ASAH2B: variants seen among roughly 807,000 people sequenced by gnomAD.
ASAH2B encodes the protein N-acylsphingosine amidohydrolase 2B, also known as putative inactive neutral ceramidase B.
Under a neutral mutation model 2.9 loss-of-function variants are expected in ASAH2B, and 1 was observed. The observed-to-expected ratio is 0.34, with a 90% confidence interval of 0.12 to 1.63. ASAH2B has a LOEUF of 1.63. Among genes scored for constraint, ASAH2B ranks in the 40% most tolerant of loss-of-function variants. The probability of loss-of-function intolerance (pLI) is 0.36; values close to 1 mark genes in which losing one functional copy is unlikely to be tolerated. For missense variants in ASAH2B, 9 were observed against 37.7 expected, an observed-to-expected ratio of 0.24 and a Z score of 1.99; for synonymous variants, 4 against 13.3, an observed-to-expected ratio of 0.30 and a Z score of 1.52.
At chr10:50,753,332 GA>G (rs1839999014) in intron 5 of ASAH2B, among the ~76,000 whole-genome samples, 1 of 89,554 alleles carries the variant, frequency 1.1e-5, no homozygotes, top group Non-Finnish European at 2.5e-5. Flanking sequence ...TTGAAAATAG[GA>G]ATTTGACCAT....
intron 1 of ASAH2B, among the ~76,000 whole-genome samples, chr10:50,741,860 A>C (rs1469851589): frequency 6.6e-6 from 1 of 152,144 alleles, no homozygotes; most frequent in Admixed American, 6.5e-5. Context: ...TAGAAAGGTC[A>C]ATAGATGGCA....
chr10:50,748,704 G>C (rs1193893254), intron 3 of ASAH2B, among the ~76,000 whole-genome samples: 1 of 150,030 alleles, frequency 6.7e-6, no homozygotes, highest in Non-Finnish European at 1.5e-5. Context: ...TGGACACCCA[G>C]CTCCATATCC....
At chr10:50,742,827 A>C in intron 1 of ASAH2B, 88 bp from the exon 2 acceptor site, 1 of 1,287,450 alleles carries the variant, frequency 7.8e-7, no homozygotes, top group South Asian at 1.2e-5. Flanking sequence ...GTGAGATGTC[A>C]AGCATCACAC....
rs1185051857 is a variant in ASAH2B, at chr10:50,755,807, G to C, written c.*1067G>C. 1 of 151,454 alleles carries C rather than the reference G, an allele frequency of 6.6e-6. No homozygotes were observed. The highest frequency in any genetic ancestry group is 1.5e-5 in the Non-Finnish European group (1 of 67,726). 9.4% of individuals were successfully genotyped at this position (151,454 alleles called of 1,614,324 possible). ...TGGGGTGAATGTGTAAGTGTCAAAAGGTAACTATTATGAAGGAGAAAATAA... is the reference window on the plus strand; with the variant it reads ...TGGGGTGAATGTGTAAGTGTCAAAACGTAACTATTATGAAGGAGAAAATAA... On this transcript the variant is annotated 3_prime_UTR_variant, in exon 6 of 6. Coordinates refer to ENST00000647317, the MANE Select transcript of ASAH2B (RefSeq NM_001321958.2).
At chr10:50,741,476 TAAAGAG>T (rs1357771780) in intron 1 of ASAH2B, among the ~76,000 whole-genome samples, 1 of 152,106 alleles carries the variant, frequency 6.6e-6, no homozygotes, top group African/African-American at 2.4e-5. Flanking sequence ...GTTATAAAAA[TAAAGAG>T]AAAGAGCACC....
At chr10:50,743,230 C>G (rs61857130) in intron 2 of ASAH2B, among the ~76,000 whole-genome samples, 2,808 of 151,896 alleles carry the variant, frequency 0.018, 41 homozygotes, top group Middle Eastern at 0.075. Context: ...TCCTTTCATG[C>G]TGGCAGCTTC....
Position 50,756,022 on chromosome 10 carries a change from T to C in ASAH2B, c.*1282T>C, listed in dbSNP as rs1837080351. The C allele has an allele frequency of 1.2e-5, 1 of 81,782 alleles. No individual in the cohort carries two copies. The highest frequency in any genetic ancestry group is 2.6e-5 in the African/African-American group (1 of 37,998). 5.1% of individuals were successfully genotyped at this position (81,782 alleles called of 1,614,324 possible). Reference sequence around the variant, plus strand: ...TTGCTTCATACCCCAAAGAATAAGATATGACAATCTGACATCGATTGTCTG... The same window carrying C: ...TTGCTTCATACCCCAAAGAATAAGACATGACAATCTGACATCGATTGTCTG... On this transcript the variant is annotated 3_prime_UTR_variant, in exon 6 of 6. Transcript: ENST00000647317.
chr10:50,742,966 G>A lies in ASAH2B; in HGVS notation c.-48G>A. Reference sequence around the variant, plus strand: ...AATTTATGGACCGCACGCATTATCTGCTTACATTCAGCTCTTCAGAAACCT... The same window carrying A: ...AATTTATGGACCGCACGCATTATCTACTTACATTCAGCTCTTCAGAAACCT... On this transcript the variant is annotated 5_prime_UTR_variant, in exon 2 of 6. Transcript: ENST00000647317. 2 of 1,614,036 alleles carry A rather than the reference G, an allele frequency of 1.2e-6. No homozygotes were observed. The highest frequency in any genetic ancestry group is 1.7e-6 in the Non-Finnish European group (2 of 1,179,968).
chr10:50,749,576 G>A, intron 4 of ASAH2B, among the ~76,000 whole-genome samples, 174 bp downstream of exon 4: 1 of 127,462 alleles, frequency 7.8e-6, no homozygotes, highest in African/African-American at 3.1e-5. Flanking sequence ...ATTGAGTCTG[G>A]GTAAAAGCAC....
chr10:50,748,502 T>C (rs1588931890), intron 3 of ASAH2B, among the ~76,000 whole-genome samples: 1 of 149,578 alleles, frequency 6.7e-6, no homozygotes, highest in Non-Finnish European at 1.5e-5. Flanking sequence ...AACAGAATCT[T>C]GTCACAACTC....
chr10:50,748,235 CT>C (rs923774162), intron 3 of ASAH2B, among the ~76,000 whole-genome samples: 4 of 91,318 alleles, frequency 4.4e-5, no homozygotes, highest in African/African-American at 8.9e-5. Flanking sequence ...CCCTGTAATC[CT>C]TTTAATTTCT....
Position 50,758,848 on chromosome 10 carries a change from A to AC in ASAH2B, c.*4111dup, listed in dbSNP as rs1228119797. 6.6e-6 allele frequency: 1 copy of AC among 151,998 alleles called. No individual in the cohort carries two copies. Among genetic ancestry groups the AC allele is most frequent in the Non-Finnish European group, 1.5e-5 (1 of 67,906 alleles). The allele number at this position is 151,998 out of a possible 1,614,324, so 9.4% of individuals were successfully genotyped here. On this transcript the variant is annotated 3_prime_UTR_variant, in exon 6 of 6. Coordinates refer to ENST00000647317, the MANE Select transcript of ASAH2B (RefSeq NM_001321958.2). ...GAACAGGTAATTACTGTACAGAGTGACCCATATTGTTATTGTTCAGGGAAT... is the reference window on the plus strand; with the variant it reads ...GAACAGGTAATTACTGTACAGAGTGACCCCATATTGTTATTGTTCAGGGAAT...
At position 50,739,984 on chromosome 10, in the gene ASAH2B, G is replaced by A; in HGVS notation, c.-100+1G>A. The A allele has an allele frequency of 6.1e-6, 1 of 164,240 alleles. No homozygotes were observed. 10.2% of individuals were successfully genotyped at this position (164,240 alleles called of 1,614,324 possible). On this transcript the variant is annotated splice_donor_variant, in intron 1 of 5. Coordinates refer to ENST00000647317, the MANE Select transcript of ASAH2B (RefSeq NM_001321958.2). LOFTEE classifies it low-confidence loss of function (5UTR_SPLICE). The stretch of plus-strand genomic sequence containing the variant: ...CCTGAGGAGTCGCAATTGTGAACAG[G>A]TTCGGTGCTGCGGCTGGGGTAGGCG...
chr10:50,757,839 C>G lies in ASAH2B; in HGVS notation c.*3099C>G, dbSNP rs944191520. The G allele has an allele frequency of 1.1e-4, 16 of 151,610 alleles. No homozygotes were observed. The highest frequency in any genetic ancestry group is 1.8e-4 in the Non-Finnish European group (12 of 67,768). The allele number at this position is 151,610 out of a possible 1,614,324, so 9.4% of individuals were successfully genotyped here. ...TTCCTGATCAACATGCATCCAAACA[C>G]TAAAGACATTTATAACCTCACATAG... is the stretch of plus-strand genomic sequence containing the variant. On this transcript the variant is annotated 3_prime_UTR_variant, in exon 6 of 6. Transcript: ENST00000647317.
At chr10:50,743,250 T>G (rs1839860119) in intron 2 of ASAH2B, among the ~76,000 whole-genome samples, 1 of 152,036 alleles carries the variant, frequency 6.6e-6, no homozygotes, top group South Asian at 2.1e-4. Context: ...CTTTCATATG[T>G]ATTTTCTCAC....
At chr10:50,743,869 G>A (rs921563067) in intron 2 of ASAH2B, 3 of 151,424 alleles carry the variant, frequency 2.0e-5, no homozygotes, top group African/African-American at 7.3e-5. Context: ...TTTAATGAAA[G>A]AGCTTGGATA....
chr10:50,744,187 G>C (rs1298259578), intron 2 of ASAH2B, among the ~76,000 whole-genome samples: 4 of 151,464 alleles, frequency 2.6e-5, no homozygotes, highest in African/African-American at 9.8e-5. Flanking sequence ...TCCATCCCTA[G>C]AGATAACTAC....
chr10:50,759,031 AC>A lies in ASAH2B; in HGVS notation c.*4292del, dbSNP rs1437407507. ...TATTAGTTTGTGTTTGTGTTTGTGT[AC>A]TGGGCAAATAGACTATTCCATGTAG... On this transcript the variant is annotated 3_prime_UTR_variant, in exon 6 of 6. Coordinates refer to ENST00000647317, the MANE Select transcript of ASAH2B (RefSeq NM_001321958.2). The A allele has an allele frequency of 2.0e-5, 3 of 150,666 alleles. No individual in the cohort carries two copies. The Admixed American group carries it at 2.0e-4, about 10-fold the overall frequency. The allele number at this position is 150,666 out of a possible 1,614,324, so 9.3% of individuals were successfully genotyped here. A position where few individuals can be genotyped will look rare whatever the true frequency, so the allele number is the denominator to read the frequency against.
In ASAH2B at chr10:50,748,977, G is replaced by T. The variant is rs571829527; in HGVS notation, c.145-366G>T. ...TAACTATAAATGTAAGCATAAATAT[G>T]AGTCATCTGTGGAAAGTTTTGACTG... On this transcript the variant is annotated intron_variant, in intron 3 of 5. Transcript: ENST00000647317. 1.2e-4 allele frequency among the ~76,000 whole-genome samples: 18 copies of T among 151,998 alleles called. No homozygotes were observed. In the South Asian group the frequency reaches 3.7e-3, roughly 31 times the overall value.
Sources: allele counts gnomAD v4.1 joint callset (sites outside exome capture counted in the v4.1 genomes callset), GRCh38; gene constraint gnomAD v4.1.1; transcripts MANE v1.5; gene names NCBI Gene and HGNC (gene_info 2026-07-23, HGNC 2026-07-21).